Variants in ITFG1 observed in about 807,000 individuals in gnomAD.
The protein encoded by ITFG1 is T-cell immunomodulatory protein.
A neutral mutation model predicts 81.8 loss-of-function variants in ITFG1; 34 were observed. The observed-to-expected ratio is 0.42, with a 90% CI of 0.32 to 0.55. ITFG1 has a LOEUF of 0.55. Ranked by LOEUF, ITFG1 falls within the 20% of genes least tolerant of loss-of-function variation. The probability of loss-of-function intolerance (pLI) is 0.17; values close to 1 mark genes in which losing one functional copy is unlikely to be tolerated. For missense variants in ITFG1, 672 were observed against 755.4 expected (o/e 0.89, Z 1.29); for synonymous variants, 285 against 270.6 (o/e 1.05, Z -0.52).
chr16:47,340,536 T>C (rs1031059433), intron 8 of ITFG1, among the ~76,000 whole-genome samples: 1 of 151,894 alleles, frequency 6.6e-6, no homozygotes, highest in Non-Finnish European at 1.5e-5. Context: ...ATATAGAATA[T>C]GTGCAAAAAG....
At chr16:47,253,499 TTC>T (rs901824957) in intron 12 of ITFG1, among the ~76,000 whole-genome samples, 1 of 152,162 alleles carries the variant, frequency 6.6e-6, no homozygotes, top group Non-Finnish European at 1.5e-5. Flanking sequence ...GTTCTGAGTA[TTC>T]TGTTATTATG....
intron 14 of ITFG1, among the ~76,000 whole-genome samples, chr16:47,177,223 GC>G (rs1190519356): frequency 6.6e-6 from 1 of 152,072 alleles, no homozygotes; most frequent in Non-Finnish European, 1.5e-5. Context: ...TCCCACCTCA[GC>G]CTCCTGAGTA....
At chr16:47,159,799 C>G (rs540040687) in intron 16 of ITFG1, among the ~76,000 whole-genome samples, 1 of 152,066 alleles carries the variant, frequency 6.6e-6, no homozygotes, top group Non-Finnish European at 1.5e-5. Context: ...TAAGACTGTT[C>G]TGGTAAATAG....
At chr16:47,348,486 G>A (rs146341772) in intron 8 of ITFG1, among the ~76,000 whole-genome samples, 9 of 152,286 alleles carry the variant, frequency 5.9e-5, no homozygotes, top group African/African-American at 2.2e-4. Flanking sequence ...TGAGCAAAAT[G>A]AAGTGAGAAG....
chr16:47,238,570 A>C (rs1189283397), intron 12 of ITFG1, among the ~76,000 whole-genome samples: 1 of 152,214 alleles, frequency 6.6e-6, no homozygotes, highest in African/African-American at 2.4e-5. Flanking sequence ...AGAGGTTAAA[A>C]TATCTGAACA....
intron 6 of ITFG1, among the ~76,000 whole-genome samples, chr16:47,386,380 G>A (rs1370571641): frequency 6.6e-6 from 1 of 152,092 alleles, no homozygotes. Flanking sequence ...AAAAACACAG[G>A]GCTCCCCCTC....
At chr16:47,386,780 G>A (rs765338346) in intron 6 of ITFG1, among the ~76,000 whole-genome samples, 11 of 152,232 alleles carry the variant, frequency 7.2e-5, no homozygotes, top group African/African-American at 1.7e-4. Context: ...CAGGAGAAGC[G>A]TCAGGCTGTA....
At chr16:47,442,429 G>C (rs1356984557) in intron 5 of ITFG1, among the ~76,000 whole-genome samples, 1 of 152,028 alleles carries the variant, frequency 6.6e-6, no homozygotes, top group Non-Finnish European at 1.5e-5. Context: ...CCAAAAAAGA[G>C]CCCGCATTGC....
chr16:47,279,729 A>G (rs1966433415), intron 10 of ITFG1, among the ~76,000 whole-genome samples: 2 of 152,146 alleles, frequency 1.3e-5, no homozygotes, highest in Non-Finnish European at 2.9e-5. Context: ...GAGAAATGAT[A>G]TTTTTGGATG....
At chr16:47,382,622 G>A (rs981029450) in intron 6 of ITFG1, among the ~76,000 whole-genome samples, 27 of 139,202 alleles carry the variant, frequency 1.9e-4, no homozygotes, top group African/African-American at 6.6e-4. Context: ...CCTGTCTTCC[G>A]TCGTCAGTGA....
chr16:47,347,179 G>A (rs1463048485), intron 8 of ITFG1, among the ~76,000 whole-genome samples: 4 of 152,226 alleles, frequency 2.6e-5, no homozygotes. Context: ...TCTCACTGGG[G>A]CTTGTCGGAC....
intron 14 of ITFG1, among the ~76,000 whole-genome samples, chr16:47,190,639 CAT>C (rs1448417770): frequency 2.0e-5 from 3 of 152,188 alleles, no homozygotes; most frequent in Non-Finnish European, 2.9e-5. Flanking sequence ...GCTTCCCGAA[CAT>C]ATGTCTTTAT....
At chr16:47,397,720 G>A (rs1055093389) in intron 6 of ITFG1, among the ~76,000 whole-genome samples, 7 of 152,184 alleles carry the variant, frequency 4.6e-5, no homozygotes, top group African/African-American at 1.4e-4. Flanking sequence ...CTGAGGTAGA[G>A]GAAGCAGCAA....
chr16:47,225,309 A>T (rs1287201617), intron 13 of ITFG1, among the ~76,000 whole-genome samples: 1 of 152,212 alleles, frequency 6.6e-6, no homozygotes, highest in African/African-American at 2.4e-5. Flanking sequence ...AGCACCATTA[A>T]GAATACCAAC....
intron 10 of ITFG1, among the ~76,000 whole-genome samples, chr16:47,286,353 C>T (rs927127288): frequency 2.0e-5 from 3 of 151,064 alleles, no homozygotes; most frequent in African/African-American, 7.4e-5. Flanking sequence ...AAGATAATTG[C>T]CAGAGGCTGG....
chr16:47,176,659 T>G (rs1347354388), intron 14 of ITFG1, among the ~76,000 whole-genome samples: 2 of 152,214 alleles, frequency 1.3e-5, no homozygotes, highest in African/African-American at 2.4e-5. Context: ...GTCTTTCAAC[T>G]ATAAGTGACA....
intron 10 of ITFG1, among the ~76,000 whole-genome samples, chr16:47,274,196 G>A (rs754228582): frequency 1.3e-5 from 2 of 152,086 alleles, no homozygotes; most frequent in Non-Finnish European, 2.9e-5. Flanking sequence ...GGTGGAGGTT[G>A]TGGTCAGCCA....
At chr16:47,173,819 T>C (rs569264466) in intron 14 of ITFG1, among the ~76,000 whole-genome samples, 4 of 152,320 alleles carry the variant, frequency 2.6e-5, no homozygotes. Context: ...GGTGGGTGGA[T>C]CACTTGAGGT....
At chr16:47,255,167 AAAC>A (rs1323475415) in intron 12 of ITFG1, among the ~76,000 whole-genome samples, 1 of 152,240 alleles carries the variant, frequency 6.6e-6, no homozygotes, top group Admixed American at 6.5e-5. Context: ...AACAGAAAGA[AAAC>A]AATATTTTGA....
Sources: allele counts gnomAD v4.1 joint callset (sites outside exome capture counted in the v4.1 genomes callset), GRCh38; gene constraint gnomAD v4.1.1; transcripts MANE v1.5; gene names NCBI Gene and HGNC (gene_info 2026-07-23, HGNC 2026-07-21).